Variants in PDZD2 observed in about 807,000 individuals in gnomAD.
PDZD2 encodes PDZ domain-containing protein 2.
In PDZD2, 90 loss-of-function variants were observed where a neutral mutation model predicts 220.7. That is an observed-to-expected ratio of 0.41 (90% CI 0.34 to 0.49). The LOEUF is 0.49. Among genes scored for constraint, PDZD2 ranks in the 20% least tolerant of loss-of-function variants. PDZD2 has a pLI of 0.28. For synonymous variants in PDZD2, 1,375 were observed against 1,450.5 expected, an observed-to-expected ratio of 0.95 and a Z score of 1.18; for missense variants, 3,174 against 3,608.5, an observed-to-expected ratio of 0.88 and a Z score of 3.08.
intron 6 of PDZD2, among the ~76,000 whole-genome samples, chr5:32,020,524 C>G (rs1482479788): frequency 6.6e-6 from 1 of 152,102 alleles, no homozygotes; most frequent in Non-Finnish European, 1.5e-5. Flanking sequence ...TCTTCTGAGA[C>G]TGTAATGTAG....
Position 31,933,700 on chromosome 5 carries a change from T to G in PDZD2, c.477-49455T>G, listed in dbSNP as rs115058586. Among the ~76,000 whole-genome samples, 507 of 152,304 alleles carry G rather than the reference T, an allele frequency of 3.3e-3. 3 individuals carry two copies. Among genetic ancestry groups the G allele is most frequent in the African/African-American group, 0.012 (486 of 41,570 alleles). ...CCTCAGTACTTCCACTAATGTGCCCTGTGATGTTGGAAAGCTTCCTCATGT... is the reference window on the plus strand; with the variant it reads ...CCTCAGTACTTCCACTAATGTGCCCGGTGATGTTGGAAAGCTTCCTCATGT... On this transcript the variant is annotated intron_variant, in intron 2 of 24. Transcript: ENST00000438447.
At chr5:31,846,426 C>T (rs769199668) in intron 2 of PDZD2, among the ~76,000 whole-genome samples, 11 of 152,320 alleles carry the variant, frequency 7.2e-5, no homozygotes, top group East Asian at 3.9e-4. Flanking sequence ...TGAGCCACCA[C>T]GCCTGGCCAG....
intron 21 of PDZD2, 88 bp downstream of exon 21, chr5:32,093,112 G>C: frequency 1.4e-6 from 1 of 720,990 alleles, no homozygotes; most frequent in Non-Finnish European, 2.5e-6. Context: ...GCCGAGGAGA[G>C]CCCGCCCCGA....
At chr5:31,651,854 G>C (rs1171609265) in intron 1 of PDZD2, among the ~76,000 whole-genome samples, 1 of 151,540 alleles carries the variant, frequency 6.6e-6, no homozygotes, top group African/African-American at 2.4e-5. Context: ...GTCTTGCTCT[G>C]TCACCCAGGC....
At chr5:31,737,167 C>CTTTTTTTTTTTTTTTTTTTTTT (rs57379430) in intron 1 of PDZD2, among the ~76,000 whole-genome samples, 1 of 66,300 alleles carries the variant, frequency 1.5e-5, no homozygotes, top group Non-Finnish European at 2.6e-5. Flanking sequence ...CAGTCTACTT[C>CTTTTTTTTTTTTTTTTTTTTTT]TTTTTTTTTT....
At chr5:31,784,309 C>T (rs896587246) in intron 1 of PDZD2, among the ~76,000 whole-genome samples, 5 of 152,102 alleles carry the variant, frequency 3.3e-5, no homozygotes, top group Admixed American at 3.3e-4. Context: ...TTCGCAGCCC[C>T]GAACTTAGAC....
chr5:32,008,280 GTTTC>G (rs1223873108), intron 5 of PDZD2, among the ~76,000 whole-genome samples: 3 of 133,540 alleles, frequency 2.2e-5, no homozygotes, highest in Admixed American at 7.5e-5. Context: ...AATCTCTTTT[GTTTC>G]TTTTTTTTTT....
chr5:31,787,899 T>C (rs759201634), intron 1 of PDZD2, among the ~76,000 whole-genome samples: 6 of 152,230 alleles, frequency 3.9e-5, no homozygotes, highest in African/African-American at 7.2e-5. Context: ...GCTGTTTATT[T>C]TATGGTCTCT....
At chr5:31,699,530 C>G (rs549267587) in intron 1 of PDZD2, among the ~76,000 whole-genome samples, 1 of 152,224 alleles carries the variant, frequency 6.6e-6, no homozygotes, top group South Asian at 2.1e-4. Context: ...AGGTGGATCA[C>G]TTGAGCCCAG....
chr5:32,070,990 C>T (rs1740691911), intron 15 of PDZD2, among the ~76,000 whole-genome samples: 1 of 152,168 alleles, frequency 6.6e-6, no homozygotes, highest in African/African-American at 2.4e-5. Flanking sequence ...ATATCCAGCT[C>T]CGTGGGGTCA....
intron 2 of PDZD2, among the ~76,000 whole-genome samples, chr5:31,809,411 T>C (rs1159510089): frequency 1.3e-5 from 2 of 152,218 alleles, no homozygotes; most frequent in South Asian, 4.1e-4. Context: ...TCCTCTCCTG[T>C]CTGTGACTGG....
At chr5:31,791,590 C>CAAAAAAA (rs1157216997) in intron 1 of PDZD2, among the ~76,000 whole-genome samples, 4 of 50,420 alleles carry the variant, frequency 7.9e-5, no homozygotes, top group African/African-American at 2.6e-4. Context: ...AACTCCGTCT[C>CAAAAAAA]AAAAAAAAAA....
At position 32,025,553 on chromosome 5, in the gene PDZD2, AC is replaced by A. The variant is rs774432832; in HGVS notation, c.1408-11677del. Reference sequence around the variant, plus strand: ...AACAAACAAACAAACAAACAAACAAACAAAAAACAACTAGTGAGCCCAAATG... The same window carrying A: ...AACAAACAAACAAACAAACAAACAAAAAAAAACAACTAGTGAGCCCAAATG... On this transcript the variant is annotated intron_variant, in intron 6 of 24. Coordinates refer to ENST00000438447, the MANE Select transcript of PDZD2 (RefSeq NM_178140.4). Among the ~76,000 whole-genome samples, 342 of 128,494 alleles carry A rather than the reference AC, an allele frequency of 2.7e-3. 1 individual carries two copies. Among genetic ancestry groups the A allele is most frequent in the African/African-American group, 0.01 (323 of 31,186 alleles). 84.3% of individuals were successfully genotyped at this position (128,494 alleles called of 152,430 possible).
chr5:31,939,114 C>T (rs189616519), intron 2 of PDZD2, among the ~76,000 whole-genome samples: 11 of 152,146 alleles, frequency 7.2e-5, no homozygotes, highest in East Asian at 3.9e-4. Context: ...AAAAGTATGG[C>T]GCCCCACCAG....
intron 5 of PDZD2, among the ~76,000 whole-genome samples, chr5:32,009,954 G>T (rs1286058631): frequency 6.6e-6 from 1 of 151,890 alleles, no homozygotes; most frequent in East Asian, 1.9e-4. Flanking sequence ...AGGTGTGGTG[G>T]CTCATGCCTG....
chr5:31,995,830 TCATA>T (rs1172670026), intron 4 of PDZD2, 112 bp downstream of exon 4: 42 of 968,412 alleles, frequency 4.3e-5, no homozygotes, highest in African/African-American at 6.5e-5. Context: ...CGATTATAGT[TCATA>T]AAGATTATGC....
At chr5:32,003,110 AACAC>A (rs1221003791) in intron 5 of PDZD2, among the ~76,000 whole-genome samples, 1 of 44,174 alleles carries the variant, frequency 2.3e-5, no homozygotes, top group Non-Finnish European at 5.2e-5. Flanking sequence ...ACACCCCACA[AACAC>A]ACCACGCGCC....
rs771135749 is a variant in PDZD2 at position 32,089,990 on chromosome 5, C to G, written c.6542C>G (p.Ala2181Gly). Residue 2181 changes from alanine (A) to glycine (G), a missense_variant, in exon 20 of 25, where the codon GCA becomes GGA. This residue lies in a region of PDZD2 where 1,861 missense variants were observed against 2,001.0 expected (regional missense o/e 0.93). Coordinates refer to ENST00000438447, the MANE Select transcript of PDZD2 (RefSeq NM_178140.4). ...SSSLQTAIRK[A>G]EYSQGKSSLM... Reference sequence around the variant, plus strand: ...TCCCTTCAAACAGCCATTAGAAAGGCAGAATACTCCCAGGGAAAATCAAGC... The same window carrying G: ...TCCCTTCAAACAGCCATTAGAAAGGGAGAATACTCCCAGGGAAAATCAAGC... The G allele has an allele frequency of 1.2e-6, 2 of 1,602,766 alleles. No individual in the cohort carries two copies. The highest frequency in any genetic ancestry group is 1.7e-6 in the Non-Finnish European group (2 of 1,174,522).
chr5:31,957,296 C>T (rs1747796579), intron 2 of PDZD2, among the ~76,000 whole-genome samples: 1 of 152,118 alleles, frequency 6.6e-6, no homozygotes, highest in Non-Finnish European at 1.5e-5. Flanking sequence ...CTCCTTTCCC[C>T]AGGAGGACAT....
Sources: allele counts gnomAD v4.1 joint callset (sites outside exome capture counted in the v4.1 genomes callset), GRCh38; gene constraint gnomAD v4.1.1; regional missense constraint gnomAD v4.1.1; transcripts MANE v1.5; gene names NCBI Gene and HGNC (gene_info 2026-07-23, HGNC 2026-07-21).